The following SAMD8 variants were observed in gnomAD, a reference collection of about 807,000 sequenced individuals.
SAMD8 encodes the protein sterile alpha motif domain containing 8, also known as sphingomyelin synthase-related protein 1.
SAMD8 carries 20 observed loss-of-function variants against 42.0 expected under a neutral mutation model. That is an observed-to-expected ratio of 0.48 (90% confidence interval 0.34 to 0.69). SAMD8 has a LOEUF of 0.69. Ranked by LOEUF, SAMD8 falls within the 30% of genes least tolerant of loss-of-function variation. The probability of loss-of-function intolerance (pLI) is 0.01; values close to 1 mark genes in which losing one functional copy is unlikely to be tolerated. For missense variants in SAMD8, 328 were observed against 511.6 expected, an observed-to-expected ratio of 0.64 and a Z score of 3.46; for synonymous variants, 162 against 173.0, an observed-to-expected ratio of 0.94 and a Z score of 0.50.
intron 1 of SAMD8, among the ~76,000 whole-genome samples, chr10:75,124,538 G>A (rs951038733): frequency 2.6e-5 from 4 of 151,706 alleles, no homozygotes; most frequent in African/African-American, 4.8e-5. Context: ...GCTTCAACCC[G>A]GGAGGCGGAG....
At chr10:75,154,675 C>T (rs1376485440) in intron 2 of SAMD8, among the ~76,000 whole-genome samples, 1 of 100,164 alleles carries the variant, frequency 1.0e-5, no homozygotes. Context: ...TTGAGAATAC[C>T]CTGGGGTGTG....
chr10:75,108,265 G>A (rs773107930), upstream of SAMD8: 6 of 1,534,226 alleles, frequency 3.9e-6, no homozygotes, highest in Non-Finnish European at 5.2e-6. Context: ...CCAGGAGGGA[G>A]GCTGTGCCTG....
At chr10:75,161,784 G>A (rs1840563729) in intron 2 of SAMD8, among the ~76,000 whole-genome samples, 1 of 151,558 alleles carries the variant, frequency 6.6e-6, no homozygotes, top group African/African-American at 2.4e-5. Context: ...GGAGCGCTTT[G>A]GGAGCACTTT....
intron 1 of SAMD8, chr10:75,105,679 C>T (rs375744952): frequency 3.6e-5 from 55 of 1,548,990 alleles, no homozygotes; most frequent in Non-Finnish European, 4.7e-5. Context: ...TCAGCTCTGG[C>T]CGGCACCCCG....
chr10:75,134,626 C>CT (rs200286532), intron 1 of SAMD8, among the ~76,000 whole-genome samples: 3 of 151,688 alleles, frequency 2.0e-5, no homozygotes, highest in East Asian at 1.9e-4. Context: ...CAGAGTGAGA[C>CT]TTTCCCCCCC....
intron 1 of SAMD8, among the ~76,000 whole-genome samples, chr10:75,142,463 A>T (rs1366258693): frequency 2.6e-5 from 4 of 151,626 alleles, no homozygotes; most frequent in African/African-American, 9.7e-5. Flanking sequence ...TTTGAGACGA[A>T]GTCTTGTTCT....
chr10:75,143,683 G>A (rs1840070632), intron 1 of SAMD8, among the ~76,000 whole-genome samples: 1 of 151,800 alleles, frequency 6.6e-6, no homozygotes, highest in Non-Finnish European at 1.5e-5. Context: ...TTGCTTTTAA[G>A]ATTTTCTCAT....
At position 75,150,831 on chromosome 10, in the gene SAMD8, C is replaced by T; in HGVS notation, c.303C>T (p.Ile101=). Residue 101 remains isoleucine, a synonymous_variant, in exon 2 of 6, where the codon ATC becomes ATT. Transcript: ENST00000542569. The stretch of plus-strand genomic sequence containing the variant: ...CCATGGGTTCCATGACCCCTTTCAT[C>T]AGTGCTCTTCAGAGTACAGACTGGC... ...DSPMGSMTPF[I]SALQSTDWLC... is the part of the protein sequence containing the mutation. The T allele has an allele frequency of 6.2e-7, 1 of 1,614,148 alleles. No individual in the cohort carries two copies. Among genetic ancestry groups the T allele is most frequent in the Non-Finnish European group, 8.5e-7 (1 of 1,180,022 alleles).
chr10:75,165,756 G>C (rs1216659553), intron 3 of SAMD8, among the ~76,000 whole-genome samples: 3 of 151,836 alleles, frequency 2.0e-5, no homozygotes. Flanking sequence ...TGGGAGGATT[G>C]CTTGAGCCCA....
intron 4 of SAMD8, among the ~76,000 whole-genome samples, chr10:75,173,442 C>A (rs548989843): frequency 6.6e-6 from 1 of 152,082 alleles, no homozygotes; most frequent in Non-Finnish European, 1.5e-5. Flanking sequence ...CATTCTGCTC[C>A]GTTGTGTTTC....
chr10:75,158,944 T>C (rs568960018), intron 2 of SAMD8, among the ~76,000 whole-genome samples: 1 of 152,346 alleles, frequency 6.6e-6, no homozygotes, highest in African/African-American at 2.4e-5. Context: ...ACCAATTTTG[T>C]TTATCCATTT....
At chr10:75,117,443 G>A (rs1036064927) in intron 1 of SAMD8, among the ~76,000 whole-genome samples, 4 of 151,470 alleles carry the variant, frequency 2.6e-5, no homozygotes, top group African/African-American at 9.7e-5. Flanking sequence ...GGGTGGGCGT[G>A]ATGGCTCACA....
chr10:75,168,868 G>A (rs991590534), intron 4 of SAMD8, among the ~76,000 whole-genome samples: 8 of 152,128 alleles, frequency 5.3e-5, no homozygotes, highest in African/African-American at 1.9e-4. Flanking sequence ...ATGCTATGGA[G>A]CTATAGAAAA....
intron 1 of SAMD8, among the ~76,000 whole-genome samples, chr10:75,106,232 G>A (rs1009305753): frequency 1.3e-5 from 2 of 150,712 alleles, no homozygotes; most frequent in African/African-American, 4.9e-5. Flanking sequence ...GTGAGACACC[G>A]CTCCTGGCCT....
intron 1 of SAMD8, among the ~76,000 whole-genome samples, chr10:75,099,943 G>A (rs1295664589): frequency 1.3e-5 from 2 of 152,192 alleles, no homozygotes; most frequent in East Asian, 3.9e-4. Context: ...GCAGGGCAGA[G>A]GGCAGTGTAG....
At chr10:75,136,720 G>A (rs536126080) in intron 1 of SAMD8, among the ~76,000 whole-genome samples, 13 of 152,234 alleles carry the variant, frequency 8.5e-5, no homozygotes, top group African/African-American at 1.2e-4. Context: ...TTGAGAATGC[G>A]CCATCTCAAT....
intron 1 of SAMD8, among the ~76,000 whole-genome samples, chr10:75,106,230 C>T (rs1349229156): frequency 6.6e-6 from 1 of 151,756 alleles, no homozygotes; most frequent in East Asian, 1.9e-4. Flanking sequence ...GCGTGAGACA[C>T]CGCTCCTGGC....
intron 4 of SAMD8, among the ~76,000 whole-genome samples, chr10:75,171,351 T>C (rs1347355497): frequency 6.6e-6 from 1 of 151,068 alleles, no homozygotes; most frequent in East Asian, 2.0e-4. Context: ...GTATTTTTAG[T>C]AGAGACGGGG....
intron 2 of SAMD8, among the ~76,000 whole-genome samples, chr10:75,155,186 C>G (rs566405267): frequency 2.0e-5 from 3 of 152,264 alleles, no homozygotes; most frequent in South Asian, 2.1e-4. Flanking sequence ...GCTACCACCC[C>G]CCAGCCTATT....
Sources: gnomAD v4.1 joint callset for allele counts (sites outside exome capture counted in the v4.1 genomes callset) on GRCh38, gnomAD v4.1.1 for gene constraint, MANE v1.5 for transcripts, NCBI Gene and HGNC (gene_info 2026-07-23, HGNC 2026-07-21) for gene names.